The following RBPMS variants were observed in gnomAD, a reference collection of about 807,000 sequenced individuals.
RBPMS encodes the protein RNA-binding protein with multiple splicing.
RBPMS carries 7 observed loss-of-function variants against 26.8 expected under a neutral mutation model. The observed-to-expected ratio is 0.26, with a 90% CI of 0.15 to 0.49. The LOEUF is 0.49. Ranked by LOEUF, RBPMS falls within the 20% of genes least tolerant of loss-of-function variation. The pLI is 0.98. For missense variants in RBPMS, 186 were observed against 250.0 expected (o/e 0.74, Z 1.73); for synonymous variants, 96 against 93.3 (o/e 1.03, Z -0.17).
chr8:30,505,302 C>G (rs1388126839), intron 5 of RBPMS, among the ~76,000 whole-genome samples: 1 of 152,196 alleles, frequency 6.6e-6, no homozygotes, highest in Admixed American at 6.5e-5. Flanking sequence ...GGTCTGCTTT[C>G]TAAACCACAC....
intron 8 of RBPMS, 27 bp downstream of exon 8, chr8:30,566,387 C>T (rs1043279766): frequency 2.5e-6 from 2 of 793,392 alleles, no homozygotes; most frequent in African/African-American, 1.9e-5. Flanking sequence ...GCTGAACAAG[C>T]CCTCAGGGGC....
intron 1 of RBPMS, among the ~76,000 whole-genome samples, chr8:30,465,411 C>G (rs1181475223): frequency 6.6e-6 from 1 of 152,162 alleles, no homozygotes; most frequent in Non-Finnish European, 1.5e-5. Flanking sequence ...GCTTAAAATC[C>G]TAGGAATTCT....
chr8:30,475,873 A>T (rs1817637228), intron 2 of RBPMS, among the ~76,000 whole-genome samples: 1 of 152,216 alleles, frequency 6.6e-6, no homozygotes, highest in Admixed American at 6.5e-5. Context: ...AATAATGATG[A>T]TGGCACAGGG....
intron 4 of RBPMS, among the ~76,000 whole-genome samples, chr8:30,487,013 A>G (rs1372476238): frequency 6.6e-6 from 1 of 152,144 alleles, no homozygotes; most frequent in Non-Finnish European, 1.5e-5. Flanking sequence ...TATGAATCTA[A>G]TTTGCCTCTG....
rs1294554372 is a variant in RBPMS at position 30,539,313 on chromosome 8, A to G, written c.398-5181A>G. On this transcript the variant is annotated intron_variant, in intron 5 of 8. Coordinates refer to ENST00000397323, the MANE Select transcript of RBPMS (RefSeq NM_001008710.3). The stretch of plus-strand genomic sequence containing the variant: ...CAGACATAAAGACCACCTGCTTTCC[A>G]GGGGACTTGTCATCACCAGCAGCAG... Among the ~76,000 whole-genome samples the G allele has an allele frequency of 2.0e-5, 3 of 152,304 alleles. No individual in the cohort carries two copies. In the East Asian group the frequency reaches 5.8e-4, roughly 29 times the overall value.
At chr8:30,479,193 A>G (rs1695525298) in intron 3 of RBPMS, 122 bp from the exon 4 acceptor site, 10 of 715,820 alleles carry the variant, frequency 1.4e-5, no homozygotes, top group South Asian at 1.0e-4. Context: ...TCGCTTTCTT[A>G]TTTCTGCCCA....
intron 1 of RBPMS, among the ~76,000 whole-genome samples, chr8:30,413,255 T>G (rs1012517277): frequency 1.3e-5 from 2 of 152,066 alleles, no homozygotes; most frequent in Non-Finnish European, 2.9e-5. Flanking sequence ...ATTTTTGTAT[T>G]TTTTAATAGA....
intron 1 of RBPMS, among the ~76,000 whole-genome samples, chr8:30,412,571 T>G (rs191149860): frequency 6.6e-6 from 1 of 152,180 alleles, no homozygotes; most frequent in East Asian, 1.9e-4. Flanking sequence ...TATAGTAAAA[T>G]CCATTTAAAC....
intron 6 of RBPMS, among the ~76,000 whole-genome samples, chr8:30,549,804 TC>T (rs199583737): frequency 8.2e-4 from 84 of 102,722 alleles, no homozygotes; most frequent in Middle Eastern, 5.6e-3. Flanking sequence ...CTCCCCTCTC[TC>T]CTCTCTCTCT....
At chr8:30,440,832 C>T (rs1208938534) in intron 1 of RBPMS, among the ~76,000 whole-genome samples, 10 of 150,324 alleles carry the variant, frequency 6.7e-5, no homozygotes, top group African/African-American at 2.2e-4. Flanking sequence ...TTCACTATCT[C>T]ACCCAGGGTG....
intron 1 of RBPMS, among the ~76,000 whole-genome samples, chr8:30,454,539 G>C (rs1276297914): frequency 6.6e-6 from 1 of 152,134 alleles, no homozygotes; most frequent in East Asian, 1.9e-4. Context: ...TTGTTATTTA[G>C]AGAAATGAAT....
chr8:30,408,492 A>ACATTCCAGCCTGGG (rs1468593980), intron 1 of RBPMS, among the ~76,000 whole-genome samples: 2 of 152,122 alleles, frequency 1.3e-5, no homozygotes, highest in Admixed American at 6.6e-5. Flanking sequence ...TCATACCACT[A>ACATTCCAGCCTGGG]CATTCCAGCC....
intron 1 of RBPMS, among the ~76,000 whole-genome samples, chr8:30,414,338 T>C (rs1053547875): frequency 1.3e-5 from 2 of 152,196 alleles, no homozygotes; most frequent in African/African-American, 4.8e-5. Flanking sequence ...CTCTTGTTTA[T>C]AGGAAATGGT....
rs982653814 is a variant in RBPMS at position 30,571,958 on chromosome 8, A to T, written c.*1433A>T. 2.6e-5 allele frequency: 4 copies of T among 152,182 alleles called. No individual in the cohort carries two copies. Among genetic ancestry groups the T allele is most frequent in the African/African-American group, 9.7e-5 (4 of 41,442 alleles). 9.4% of individuals were successfully genotyped at this position (152,182 alleles called of 1,614,324 possible). A position where few individuals can be genotyped will look rare whatever the true frequency, so the allele number is the denominator to read the frequency against. Reference sequence around the variant, plus strand: ...TTGGGTTTTTGTTTTGTTATTTTCCATTAGAAATATAAAGATGTCAAGAAG... The same window carrying T: ...TTGGGTTTTTGTTTTGTTATTTTCCTTTAGAAATATAAAGATGTCAAGAAG... On this transcript the variant is annotated 3_prime_UTR_variant, in exon 9 of 9. Coordinates refer to ENST00000397323, the MANE Select transcript of RBPMS (RefSeq NM_001008710.3).
intron 1 of RBPMS, among the ~76,000 whole-genome samples, chr8:30,458,350 A>G (rs1369904095): frequency 6.6e-6 from 1 of 152,174 alleles, no homozygotes; most frequent in African/African-American, 2.4e-5. Flanking sequence ...TGAATGTTCT[A>G]CAAATATTCA....
Position 30,558,923 on chromosome 8 carries a change from G to A in RBPMS, c.565G>A (p.Gly189Ser). ...WLPPSEATSQ[G>S]WKSRQFC ...CCCTCCCTCCGAGGCTACTTCTCAG[G>A]GCTGGAAGTCCCGTCAGTTCTGCTG... The change falls in exon 7 of 9, where the codon GGC becomes AGC. Residue 189 changes from glycine to serine, a missense_variant. Physicochemically the swap from Gly to Ser is moderately conservative, Grantham distance 56. Transcript: ENST00000397323. 2 of 1,614,104 alleles carry A rather than the reference G, an allele frequency of 1.2e-6. No homozygotes were observed. Among genetic ancestry groups the A allele is most frequent in the Non-Finnish European group, 1.7e-6 (2 of 1,180,026 alleles).
chr8:30,481,212 C>T (rs1226816475), intron 4 of RBPMS, among the ~76,000 whole-genome samples: 1 of 152,196 alleles, frequency 6.6e-6, no homozygotes, highest in Non-Finnish European at 1.5e-5. Flanking sequence ...GTGATTCTCC[C>T]TCCTTGGCCT....
rs781149201 is a variant in RBPMS, at chr8:30,385,053, G to A, written c.-40G>A. 13 of 1,465,532 alleles carry A rather than the reference G, an allele frequency of 8.9e-6. No individual in the cohort carries two copies. The highest frequency in any genetic ancestry group is 2.6e-5 in the South Asian group (2 of 75,836). The allele number at this position is 1,465,532 out of a possible 1,614,324, so 90.8% of individuals were successfully genotyped here. A position where few individuals can be genotyped will look rare whatever the true frequency, so the allele number is the denominator to read the frequency against. On this transcript the variant is annotated 5_prime_UTR_variant, in exon 1 of 9. Coordinates refer to ENST00000397323, the MANE Select transcript of RBPMS (RefSeq NM_001008710.3). Reference sequence around the variant, plus strand: ...CTAGCGCGCCCTCGCCCAGCCCCGCGCCCCAGCCCTGCCCGGCCCGGCGAG... The same window carrying A: ...CTAGCGCGCCCTCGCCCAGCCCCGCACCCCAGCCCTGCCCGGCCCGGCGAG...
intron 1 of RBPMS, among the ~76,000 whole-genome samples, chr8:30,425,561 C>T (rs765460168): frequency 1.3e-5 from 2 of 151,828 alleles, no homozygotes; most frequent in African/African-American, 2.4e-5. Flanking sequence ...CACCACGCCC[C>T]GCTAAATTTT....
Sources: gnomAD v4.1 joint callset for allele counts (sites outside exome capture counted in the v4.1 genomes callset) on GRCh38, gnomAD v4.1.1 for gene constraint, MANE v1.5 for transcripts, NCBI Gene and HGNC (gene_info 2026-07-23, HGNC 2026-07-21) for gene names.